SCLT1: variants seen among roughly 807,000 people sequenced by gnomAD.
The protein encoded by SCLT1 is sodium channel-associated protein 1.
Under a neutral mutation model 112.8 loss-of-function variants are expected in SCLT1, and 78 were observed. The ratio of observed to expected loss-of-function variants is 0.69; its 90% CI spans 0.58 to 0.83. The LOEUF is 0.83. SCLT1 is among the 40% of genes least tolerant of loss of function. The pLI is 0.00. For missense variants in SCLT1, 747 were observed against 770.4 expected, an observed-to-expected ratio of 0.97 and a Z score of 0.36; for synonymous variants, 257 against 254.7, an observed-to-expected ratio of 1.01 and a Z score of -0.09.
chr4:129,085,240 G>A (rs1174832434), intron 1 of SCLT1, among the ~76,000 whole-genome samples: 1 of 152,100 alleles, frequency 6.6e-6, no homozygotes, highest in Admixed American at 6.5e-5. Context: ...AGACATATAT[G>A]CGGTCAGCAA....
chr4:128,982,238 C>A (rs1396777003), intron 9 of SCLT1, among the ~76,000 whole-genome samples: 1 of 152,034 alleles, frequency 6.6e-6, no homozygotes, highest in Non-Finnish European at 1.5e-5. Context: ...GAACCCTGAG[C>A]TAGAAAAATT....
At chr4:128,929,287 T>C (rs1010111906) in intron 18 of SCLT1, among the ~76,000 whole-genome samples, 4 of 152,218 alleles carry the variant, frequency 2.6e-5, no homozygotes, top group African/African-American at 9.6e-5. Context: ...AAATGAACTT[T>C]ACTGAGACAT....
At chr4:129,017,894 A>G (rs888962350) in intron 5 of SCLT1, among the ~76,000 whole-genome samples, 2 of 152,212 alleles carry the variant, frequency 1.3e-5, no homozygotes, top group Non-Finnish European at 2.9e-5. Context: ...TTCTGGAAAA[A>G]AAGTCAATCT....
chr4:128,889,618 T>C (rs149020536), intron 19 of SCLT1, among the ~76,000 whole-genome samples: 10 of 152,314 alleles, frequency 6.6e-5, no homozygotes, highest in African/African-American at 2.4e-4. Flanking sequence ...TATACAGGCA[T>C]CATGAATACA....
At chr4:128,956,527 G>T (rs1177045435) in intron 13 of SCLT1, among the ~76,000 whole-genome samples, 1 of 151,988 alleles carries the variant, frequency 6.6e-6, no homozygotes, top group Non-Finnish European at 1.5e-5. Flanking sequence ...CAAAGTAATA[G>T]ATTTTTTTCT....
At position 128,961,037 on chromosome 4, in the gene SCLT1, C is replaced by T. The variant is rs1490124982; in HGVS notation, c.870-1260G>A. Among the ~76,000 whole-genome samples the T allele has an allele frequency of 4.0e-5, 6 of 148,356 alleles. No homozygotes were observed. In the East Asian group the frequency reaches 9.8e-4, roughly 24 times the overall value. ...AAATCTACTTTTTTGTTGTTGTTGC[C>T]TATTGACTCTATTTAGGGAATCTTC... is the stretch of plus-strand genomic sequence containing the variant. On this transcript the variant is annotated intron_variant, in intron 11 of 20. Coordinates refer to ENST00000281142, the MANE Select transcript of SCLT1 (RefSeq NM_144643.4).
chr4:129,040,651 T>C (rs1193728069), intron 4 of SCLT1, among the ~76,000 whole-genome samples: 1 of 152,234 alleles, frequency 6.6e-6, no homozygotes, highest in Non-Finnish European at 1.5e-5. Context: ...GTGAAATCCA[T>C]ACAGTATTTC....
intron 19 of SCLT1, among the ~76,000 whole-genome samples, chr4:128,889,673 A>G (rs1294621729): frequency 1.3e-5 from 2 of 152,248 alleles, no homozygotes; most frequent in African/African-American, 4.8e-5. Flanking sequence ...CAAATAATCT[A>G]TCAATTAAAA....
chr4:129,004,671 T>G (rs1345251130), intron 5 of SCLT1, among the ~76,000 whole-genome samples: 2 of 151,926 alleles, frequency 1.3e-5, no homozygotes, highest in African/African-American at 2.4e-5. Context: ...CAAAATAAAC[T>G]ACATCCATCT....
chr4:128,891,443 T>C (rs750666413), intron 18 of SCLT1, among the ~76,000 whole-genome samples: 7 of 152,018 alleles, frequency 4.6e-5, no homozygotes, highest in Non-Finnish European at 7.4e-5. Context: ...TTTATCACAA[T>C]TAAAATGGTA....
intron 6 of SCLT1, among the ~76,000 whole-genome samples, chr4:129,001,979 T>C (rs530035729): frequency 3.3e-5 from 5 of 152,180 alleles, no homozygotes; most frequent in African/African-American, 4.8e-5. Context: ...TCTTTCATCA[T>C]ATTTAAAAAT....
chr4:128,876,321 G>GAAAC (rs1044761460), intron 4 of SCLT1, among the ~76,000 whole-genome samples: 3 of 152,152 alleles, frequency 2.0e-5, no homozygotes, highest in Admixed American at 6.5e-5. Flanking sequence ...ACCCCTGAGA[G>GAAAC]AAACAACTGA....
intron 1 of SCLT1, among the ~76,000 whole-genome samples, chr4:129,087,983 A>G (rs1011776236): frequency 4.0e-5 from 6 of 151,644 alleles, no homozygotes; most frequent in African/African-American, 1.2e-4. Context: ...GCTTCTCAGG[A>G]GGCTGAGGCA....
At chr4:129,002,698 G>A (rs998912251) in intron 6 of SCLT1, among the ~76,000 whole-genome samples, 52 of 152,182 alleles carry the variant, frequency 3.4e-4, no homozygotes, top group African/African-American at 1.3e-3. Flanking sequence ...CATTATTACT[G>A]GTCATTAGAG....
chr4:128,988,299 T>C (rs752115569), intron 9 of SCLT1, among the ~76,000 whole-genome samples: 31 of 151,916 alleles, frequency 2.0e-4, no homozygotes, highest in Non-Finnish European at 3.7e-4. Flanking sequence ...AGATAGACAA[T>C]ATAAAATATA....
intron 4 of SCLT1, among the ~76,000 whole-genome samples, chr4:129,042,945 T>C (rs1747836586): frequency 6.6e-6 from 1 of 152,008 alleles, no homozygotes; most frequent in Admixed American, 6.6e-5. Context: ...TGGTGGCACA[T>C]GCCTGTAATC....
At chr4:129,055,172 C>A (rs1749239401) in intron 2 of SCLT1, among the ~76,000 whole-genome samples, 1 of 152,206 alleles carries the variant, frequency 6.6e-6, no homozygotes, top group African/African-American at 2.4e-5. Flanking sequence ...CTAATGCCAG[C>A]TGGAGCTCTC....
At chr4:129,002,464 C>T (rs944745244) in intron 6 of SCLT1, among the ~76,000 whole-genome samples, 9 of 151,814 alleles carry the variant, frequency 5.9e-5, no homozygotes, top group Non-Finnish European at 7.4e-5. Flanking sequence ...TCTTAATATT[C>T]TGAAAACAAT....
chr4:128,929,015 T>C (rs1005682606), intron 18 of SCLT1, among the ~76,000 whole-genome samples: 1 of 152,180 alleles, frequency 6.6e-6, no homozygotes, highest in Non-Finnish European at 1.5e-5. Flanking sequence ...ATCCCTACTC[T>C]GTGCATTGCA....
Sources: gnomAD v4.1 joint callset for allele counts (sites outside exome capture counted in the v4.1 genomes callset) on GRCh38, gnomAD v4.1.1 for gene constraint, MANE v1.5 for transcripts, NCBI Gene and HGNC (gene_info 2026-07-23, HGNC 2026-07-21) for gene names.